The following HDAC7 variants were observed in gnomAD, a reference collection of about 807,000 sequenced individuals.
The protein encoded by HDAC7 is histone deacetylase 7, also known as histone deacetylase 7A.
In HDAC7, 26 loss-of-function variants were observed where a neutral mutation model predicts 115.5. That is an observed-to-expected ratio of 0.23 (90% CI 0.16 to 0.31). The LOEUF (loss-of-function observed/expected upper bound fraction) is 0.31. Among genes scored for constraint, HDAC7 ranks in the 10% least tolerant of loss-of-function variants. HDAC7 has a pLI of 1.00. For missense variants in HDAC7, 1,068 were observed against 1,329.0 expected, an observed-to-expected ratio of 0.80 and a Z score of 3.05; for synonymous variants, 564 against 550.9, an observed-to-expected ratio of 1.02 and a Z score of -0.33.
chr12:47,797,356 G>A lies in HDAC7; in HGVS notation c.577+28C>T. On this transcript the variant is annotated intron_variant, in intron 6 of 25. Transcript: ENST00000080059. This position sits in a 1 kb window ranked among gnomAD's most constrained non-coding sequence, Gnocchi z 5.5. ...GAGGCCCTTCCCCCTTCCTTTGCCT[G>A]AAAGGTCCGCCTGTTTGTTCAGCTC... The A allele has an allele frequency of 6.2e-7, 1 of 1,601,548 alleles. No individual in the cohort carries two copies. The highest frequency in any genetic ancestry group is 8.6e-7 in the Non-Finnish European group (1 of 1,169,002).
chr12:47,793,265 G>T lies in HDAC7; in HGVS notation c.1678+104C>A. On this transcript the variant is annotated intron_variant, in intron 13 of 25. Transcript: ENST00000080059. This position sits in a 1 kb window ranked among gnomAD's most constrained non-coding sequence, Gnocchi z 4.5. Reference sequence around the variant, plus strand: ...TACTACGTGGGCCTAACAAGGCTAAGCACTCTGTGGCCTCTAAAAATGTCC... The same window carrying T: ...TACTACGTGGGCCTAACAAGGCTAATCACTCTGTGGCCTCTAAAAATGTCC... 1 of 855,732 alleles carries T rather than the reference G, an allele frequency of 1.2e-6. No individual in the cohort carries two copies. The allele number at this position is 855,732 out of a possible 1,614,324, so 53.0% of individuals were successfully genotyped here.
At chr12:47,794,340 G>C (rs1026474252) in intron 12 of HDAC7, among the ~76,000 whole-genome samples, 1 of 152,260 alleles carries the variant, frequency 6.6e-6, no homozygotes, top group African/African-American at 2.4e-5. Flanking sequence ...TATCCCAACA[G>C]CTCCGGCAAG....
At chr12:47,819,717 G>A in intron 1 of HDAC7, 50 bp downstream of exon 1, 1 of 588,680 alleles carries the variant, frequency 1.7e-6, no homozygotes. Flanking sequence ...GGCGGGCGAC[G>A]CTGGGTGCCG....
At position 47,793,527 on chromosome 12, in the gene HDAC7, G is replaced by C. The variant is rs747103276; in HGVS notation, c.1520C>G (p.Thr507Ser). 1.3e-6 allele frequency: 2 copies of C among 1,548,354 alleles called. No individual in the cohort carries two copies. The highest frequency in any genetic ancestry group is 1.2e-5 in the South Asian group (1 of 84,052). The change falls in exon 13 of 26, where the codon ACT becomes AGT. Residue 507 changes from threonine to serine, a missense_variant. Transcript: ENST00000080059. The surrounding 1 kb of genome is among the most constrained non-coding windows in gnomAD (Gnocchi z 4.5). ...GRLPRGSTGD[T>S]VLLPLAQGGH... The stretch of plus-strand genomic sequence containing the variant: ...ACCCTGGGCCAGAGGAAGCAGCACA[G>C]TGTCCCCGGTGCTGCCCCGGGGGAG...
At chr12:47,811,668 C>T (rs908329482) in intron 1 of HDAC7, among the ~76,000 whole-genome samples, 2 of 152,224 alleles carry the variant, frequency 1.3e-5, no homozygotes, top group African/African-American at 4.8e-5. Context: ...AATTACGCAG[C>T]ATATATACGT....
rs1410430501 is a variant in HDAC7, at chr12:47,819,794, C to G, written c.-9G>C. On this transcript the variant is annotated 5_prime_UTR_variant, in exon 1 of 26. Transcript: ENST00000080059. ...GCGCCGGGGCTGTGCATCCAGGGGC[C>G]GGGGCCCTCAGAGCGGGGGGCTCAT... 4 of 426,030 alleles carry G rather than the reference C, an allele frequency of 9.4e-6. No individual in the cohort carries two copies. Among genetic ancestry groups the G allele is most frequent in the Non-Finnish European group, 1.2e-5 (4 of 336,832 alleles). The allele number at this position is 426,030 out of a possible 1,614,324, so 26.4% of individuals were successfully genotyped here.
Position 47,793,203 on chromosome 12 carries a change from C to T in HDAC7, c.1678+166G>A. The T allele has an allele frequency of 1.7e-6, 1 of 572,360 alleles. No individual in the cohort carries two copies. The highest frequency in any genetic ancestry group is 3.0e-6 in the Non-Finnish European group (1 of 333,210). 35.5% of individuals were successfully genotyped at this position (572,360 alleles called of 1,614,324 possible). A position where few individuals can be genotyped will look rare whatever the true frequency, so the allele number is the denominator to read the frequency against. ...TTCGTGAGCCTTGGTCCTCATCGGC[C>T]AAATGCAATAACCAGCTGTTCCATG... On this transcript the variant is annotated intron_variant, in intron 13 of 25. Transcript: ENST00000080059. This position sits in a 1 kb window ranked among gnomAD's most constrained non-coding sequence, Gnocchi z 4.5.
At chr12:47,792,786 A>C in intron 13 of HDAC7, 1 of 422,032 alleles carries the variant, frequency 2.4e-6, no homozygotes, top group South Asian at 1.7e-5. Flanking sequence ...TACATTAATG[A>C]AATACTATGA....
At chr12:47,791,125 G>C in intron 16 of HDAC7, 134 bp downstream of exon 16, 1 of 858,222 alleles carries the variant, frequency 1.2e-6, no homozygotes, top group Non-Finnish European at 1.9e-6. Context: ...GGGCACCTCA[G>C]GAAGTCCCTG....
At position 47,797,362 on chromosome 12, in the gene HDAC7, T is replaced by C; in HGVS notation, c.577+22A>G. On this transcript the variant is annotated intron_variant, in intron 6 of 25. Transcript: ENST00000080059. The surrounding 1 kb of genome is among the most constrained non-coding windows in gnomAD (Gnocchi z 5.5). ...CTTCCCCCTTCCTTTGCCTGAAAGG[T>C]CCGCCTGTTTGTTCAGCTCACCTGT... 6.2e-7 allele frequency: 1 copy of C among 1,604,494 alleles called. No individual in the cohort carries two copies. The highest frequency in any genetic ancestry group is 8.5e-7 in the Non-Finnish European group (1 of 1,172,428).
Position 47,795,295 on chromosome 12 carries a change from T to C in HDAC7, c.1173A>G (p.Pro391=), listed in dbSNP as rs372063990. The C allele has an allele frequency of 1.2e-5, 19 of 1,611,496 alleles. No homozygotes were observed. The African/African-American group carries it at 2.6e-4, about 22-fold the overall frequency. Residue 391 remains proline, a synonymous_variant, in exon 11 of 26, where the codon CCA becomes CCG. Coordinates refer to ENST00000080059, the MANE Select transcript of HDAC7 (RefSeq NM_015401.5). This position sits in a 1 kb window ranked among gnomAD's most constrained non-coding sequence, Gnocchi z 4.3. ...ERLSGSGLHW[P]LSRTRSEPLP... Reference sequence around the variant, plus strand: ...GGGGCTCTGAGCGAGTCCGGCTCAGTGGCCAGTGGAGGCCTGACCCAGAGA... The same window carrying C: ...GGGGCTCTGAGCGAGTCCGGCTCAGCGGCCAGTGGAGGCCTGACCCAGAGA...
chr12:47,791,809 C>A (rs1943539091), intron 14 of HDAC7, 62 bp downstream of exon 14: 4 of 1,533,814 alleles, frequency 2.6e-6, no homozygotes, highest in Admixed American at 1.9e-5. Context: ...GGGCCCCCCA[C>A]CCCTCCCCTC....
intron 1 of HDAC7, among the ~76,000 whole-genome samples, chr12:47,816,750 AGGAGGAGGGAGACT>A (rs1325069462): frequency 3.3e-5 from 5 of 151,334 alleles, no homozygotes; most frequent in Non-Finnish European, 7.4e-5. Flanking sequence ...TCTCCCTTGT[AGGAGGAGGGAGACT>A]GGAGGAGGGC....
At chr12:47,787,666 G>A in intron 21 of HDAC7, 46 bp downstream of exon 21, 1 of 1,383,822 alleles carries the variant, frequency 7.2e-7, no homozygotes. Flanking sequence ...TGGGAGAAGG[G>A]ACAGGAGAGG....
At position 47,796,065 on chromosome 12, in the gene HDAC7, G is replaced by A. The variant is rs752769572; in HGVS notation, c.796-49C>T. 4.0e-5 allele frequency: 62 copies of A among 1,536,346 alleles called. No individual in the cohort carries two copies. The Middle Eastern group carries it at 1.1e-3, about 28-fold the overall frequency. On this transcript the variant is annotated intron_variant, in intron 8 of 25. Transcript: ENST00000080059. ...GTCACCGGTCCCAGACCTCTACCCC[G>A]GCGCACCTTCCCCAGAACACCCAGG...
intron 13 of HDAC7, chr12:47,792,359 T>A: frequency 2.6e-6 from 1 of 378,188 alleles, no homozygotes; most frequent in Non-Finnish European, 5.0e-6. Context: ...GAGCAAAGCA[T>A]GAGGCCTAAC....
Position 47,786,719 on chromosome 12 carries a change from A to C in HDAC7, c.2454-16T>G, listed in dbSNP as rs1235761574. The C allele has an allele frequency of 1.2e-6, 2 of 1,601,934 alleles. No individual in the cohort carries two copies. Among genetic ancestry groups the C allele is most frequent in the Admixed American group, 3.3e-5 (2 of 59,986 alleles). On this transcript the variant is annotated splice_polypyrimidine_tract_variant and intron_variant, in intron 21 of 25. Coordinates refer to ENST00000080059, the MANE Select transcript of HDAC7 (RefSeq NM_015401.5). Reference sequence around the variant, plus strand: ...CACGACTATCCTGTGAGGTCACAAGAAGTGGCGATCATCGTACTGTGCAGG... The same window carrying C: ...CACGACTATCCTGTGAGGTCACAAGCAGTGGCGATCATCGTACTGTGCAGG...
chr12:47,784,329 G>T, intron 24 of HDAC7, 112 bp from the exon 25 acceptor site: 1 of 1,225,352 alleles, frequency 8.2e-7, no homozygotes, highest in Non-Finnish European at 1.1e-6. Flanking sequence ...GGAGGAGCGG[G>T]CCTGTCCTCC....
intron 1 of HDAC7, among the ~76,000 whole-genome samples, chr12:47,818,563 C>T (rs1944914724): frequency 1.3e-5 from 2 of 152,238 alleles, no homozygotes; most frequent in Admixed American, 1.3e-4. Context: ...CCTGCCAGCC[C>T]TATAGCTGAA....
Sources: allele counts gnomAD v4.1 joint callset (sites outside exome capture counted in the v4.1 genomes callset), GRCh38; gene constraint gnomAD v4.1.1; non-coding constraint Gnocchi (gnomAD v3.1); transcripts MANE v1.5; gene names NCBI Gene and HGNC (gene_info 2026-07-23, HGNC 2026-07-21).